The following ME1 variants were observed in gnomAD, a reference collection of about 807,000 sequenced individuals.
The protein encoded by ME1 is NADP-dependent malic enzyme.
Under a neutral mutation model 66.4 loss-of-function variants are expected in ME1, and 74 were observed. The observed-to-expected ratio is 1.11, with a 90% CI of 0.92 to 1.35. The LOEUF (loss-of-function observed/expected upper bound fraction) is 1.35, where lower values mean the gene tolerates loss of function less well. ME1 is among the 40% of genes most tolerant of loss of function. ME1 has a pLI of 0.00. For missense variants in ME1, 750 were observed against 694.1 expected, an observed-to-expected ratio of 1.08 and a Z score of -0.90; for synonymous variants, 251 against 235.6, an observed-to-expected ratio of 1.07 and a Z score of -0.60.
chr6:83,371,172 T>G (rs1001965217), intron 3 of ME1, among the ~76,000 whole-genome samples: 1 of 152,204 alleles, frequency 6.6e-6, no homozygotes, highest in African/African-American at 2.4e-5. Flanking sequence ...AATTTTATTA[T>G]TGTTTCTCTG....
At chr6:83,425,431 T>C (rs1770350926) in intron 1 of ME1, among the ~76,000 whole-genome samples, 1 of 152,160 alleles carries the variant, frequency 6.6e-6, no homozygotes, top group African/African-American at 2.4e-5. Flanking sequence ...TCAGCATGGC[T>C]GGGTAGGCCT....
chr6:83,340,100 T>TA (rs1487922891), intron 5 of ME1, among the ~76,000 whole-genome samples: 1 of 152,172 alleles, frequency 6.6e-6, no homozygotes, highest in Non-Finnish European at 1.5e-5. Context: ...GAAAAGCTAT[T>TA]AAGTTTTGAA....
chr6:83,240,059 G>A (rs549842535), intron 7 of ME1, among the ~76,000 whole-genome samples: 35 of 152,092 alleles, frequency 2.3e-4, no homozygotes, highest in African/African-American at 5.1e-4. Flanking sequence ...AGATTCTTCC[G>A]TCTAATTACT....
At position 83,237,382 on chromosome 6, in the gene ME1, AAAGG is replaced by A. The variant is rs58706135; in HGVS notation, c.1026+331_1026+334del. ...AAGAAAGAAAGAAAGAAAAGGAAGG[AAAGG>A]AAGGAAGGAAGGAAAGAAAGAAAAA... On this transcript the variant is annotated intron_variant, in intron 9 of 13. Transcript: ENST00000369705. Among the ~76,000 whole-genome samples the A allele has an allele frequency of 1.0e-4, 12 of 119,280 alleles. 2 individuals carry two copies. Among genetic ancestry groups the A allele is most frequent in the East Asian group, 3.0e-4 (1 of 3,298 alleles). 78.3% of individuals were successfully genotyped at this position (119,280 alleles called of 152,430 possible). A position where few individuals can be genotyped will look rare whatever the true frequency, so the allele number is the denominator to read the frequency against.
intron 5 of ME1, among the ~76,000 whole-genome samples, chr6:83,343,579 G>C (rs1349386935): frequency 6.6e-6 from 1 of 152,130 alleles, no homozygotes; most frequent in Non-Finnish European, 1.5e-5. Context: ...CTAATTATCA[G>C]CTTAAAAATT....
intron 3 of ME1, among the ~76,000 whole-genome samples, chr6:83,372,791 G>A (rs1423675934): frequency 2.0e-5 from 3 of 152,072 alleles, no homozygotes; most frequent in Non-Finnish European, 4.4e-5. Flanking sequence ...CACTGTTGAG[G>A]GAGACACTCA....
intron 1 of ME1, among the ~76,000 whole-genome samples, chr6:83,419,029 C>G (rs1010079537): frequency 1.3e-5 from 2 of 152,066 alleles, no homozygotes; most frequent in African/African-American, 4.8e-5. Flanking sequence ...GAAACTGCAC[C>G]AACTGTGAGA....
At chr6:83,427,739 C>A (rs1770400292) in intron 1 of ME1, among the ~76,000 whole-genome samples, 1 of 152,094 alleles carries the variant, frequency 6.6e-6, no homozygotes, top group African/African-American at 2.4e-5. Flanking sequence ...TGGCCGGGTG[C>A]AGTAGCTCAC....
At chr6:83,349,367 T>C (rs1317773625) in intron 4 of ME1, among the ~76,000 whole-genome samples, 1 of 151,908 alleles carries the variant, frequency 6.6e-6, no homozygotes, top group Non-Finnish European at 1.5e-5. Context: ...CAGTTGGATG[T>C]TTTCTGTACG....
At chr6:83,333,028 A>G (rs904432110) in intron 5 of ME1, among the ~76,000 whole-genome samples, 2 of 152,208 alleles carry the variant, frequency 1.3e-5, no homozygotes, top group African/African-American at 4.8e-5. Context: ...AAAAGCAGTC[A>G]GGCAAGTGTA....
chr6:83,383,020 C>A (rs192610902), intron 3 of ME1, among the ~76,000 whole-genome samples: 2 of 151,938 alleles, frequency 1.3e-5, no homozygotes, highest in Admixed American at 1.3e-4. Context: ...TGACCTCCCC[C>A]GAAAAAGAGG....
intron 6 of ME1, among the ~76,000 whole-genome samples, chr6:83,266,487 T>C (rs530794412): frequency 1.4e-5 from 2 of 145,892 alleles, no homozygotes; most frequent in African/African-American, 4.9e-5. Context: ...TTATGTCTAT[T>C]TATAATTCCA....
chr6:83,247,584 A>C (rs2128527248), intron 7 of ME1, among the ~76,000 whole-genome samples: 1 of 152,132 alleles, frequency 6.6e-6, no homozygotes, highest in Non-Finnish European at 1.5e-5. Context: ...ACATTTATTT[A>C]CATGGTAAGG....
At chr6:83,408,508 C>T (rs1438505982) in intron 1 of ME1, among the ~76,000 whole-genome samples, 1 of 152,220 alleles carries the variant, frequency 6.6e-6, no homozygotes, top group East Asian at 1.9e-4. Context: ...TGTCTTACCT[C>T]AAATGCTTCC....
chr6:83,328,650 A>G (rs994908232), intron 5 of ME1, among the ~76,000 whole-genome samples: 5 of 152,204 alleles, frequency 3.3e-5, no homozygotes, highest in African/African-American at 4.8e-5. Flanking sequence ...TCCACAGACA[A>G]AGTAGACTGG....
At chr6:83,411,140 A>C (rs957321456) in intron 1 of ME1, among the ~76,000 whole-genome samples, 1 of 152,198 alleles carries the variant, frequency 6.6e-6, no homozygotes, top group Non-Finnish European at 1.5e-5. Context: ...GCACTTTGGG[A>C]GGCCAGGGCA....
intron 3 of ME1, among the ~76,000 whole-genome samples, chr6:83,387,010 A>G (rs1769519261): frequency 6.6e-6 from 1 of 152,098 alleles, no homozygotes; most frequent in Non-Finnish European, 1.5e-5. Context: ...TAGCAGCCCA[A>G]ATTGACTAAG....
intron 7 of ME1, among the ~76,000 whole-genome samples, chr6:83,245,509 G>A (rs1180205): frequency 0.39 from 59,500 of 151,842 alleles, 11,831 homozygotes; most frequent in Middle Eastern, 0.53. Context: ...AGGTTCAAGC[G>A]ATTCTCCTGC....
chr6:83,393,286 G>T, intron 3 of ME1: 7 of 1,246,164 alleles, frequency 5.6e-6, no homozygotes, highest in Middle Eastern at 2.7e-4. Context: ...TTCCACCTTC[G>T]ATGCTGGGGC....
Sources: gnomAD v4.1 joint callset for allele counts (sites outside exome capture counted in the v4.1 genomes callset) on GRCh38, gnomAD v4.1.1 for gene constraint, MANE v1.5 for transcripts, NCBI Gene and HGNC (gene_info 2026-07-23, HGNC 2026-07-21) for gene names.